RNF111: variants seen among roughly 807,000 people sequenced by gnomAD.
RNF111 encodes E3 ubiquitin-protein ligase Arkadia.
RNF111 carries 17 observed loss-of-function variants against 95.1 expected under a neutral mutation model. The observed-to-expected ratio is 0.18, with a 90% CI of 0.12 to 0.27. The LOEUF (loss-of-function observed/expected upper bound fraction) is 0.27. Among genes scored for constraint, RNF111 ranks in the 10% least tolerant of loss-of-function variants. RNF111 has a pLI of 1.00. For synonymous variants in RNF111, 440 were observed against 414.8 expected (o/e 1.06, Z -0.74); for missense variants, 1,189 against 1,210.4 (o/e 0.98, Z 0.26).
chr15:59,049,254 C>T (rs1329841957), intron 2 of RNF111: 2 of 152,146 alleles, frequency 1.3e-5, no homozygotes, highest in East Asian at 1.9e-4. Context: ...ACTTTAGATA[C>T]TTCACATAAC....
In RNF111 at chr15:59,031,232, G is replaced by C. The variant is rs2040888918; in HGVS notation, c.410G>C (p.Cys137Ser). Residue 137 changes from cysteine to serine, a missense_variant, in exon 2 of 14, where the codon TGT becomes TCT. Transcript: ENST00000348370. Reference sequence around the variant, plus strand: ...GATAATGATTCCTCTTTTAGTGATTGTCTTTCTTCTCCTTCATCTAGTCTG... The same window carrying C: ...GATAATGATTCCTCTTTTAGTGATTCTCTTTCTTCTCCTTCATCTAGTCTG... The part of the protein sequence containing the change: ...DEDNDSSFSD[C>S]LSSPSSSLHF... The C allele has an allele frequency of 6.2e-7, 1 of 1,614,180 alleles. No individual in the cohort carries two copies. Among genetic ancestry groups the C allele is most frequent in the South Asian group, 1.1e-5 (1 of 91,082 alleles).
intron 2 of RNF111, among the ~76,000 whole-genome samples, chr15:59,034,631 A>T (rs1463996882): frequency 6.6e-6 from 1 of 152,232 alleles, no homozygotes; most frequent in Non-Finnish European, 1.5e-5. Context: ...TAGCTCTATT[A>T]TCAAGAAATC....
intron 8 of RNF111, among the ~76,000 whole-genome samples, chr15:59,083,161 A>G (rs930029032): frequency 6.6e-6 from 1 of 152,122 alleles, no homozygotes; most frequent in Non-Finnish European, 1.5e-5. Context: ...AAAAGAAGCA[A>G]AAAATGAATC....
chr15:59,021,325 A>T (rs1247624734), intron 1 of RNF111, among the ~76,000 whole-genome samples: 3 of 151,896 alleles, frequency 2.0e-5, no homozygotes, highest in South Asian at 2.1e-4. Context: ...TAATTTTTGT[A>T]TTTTTAGTAG....
At chr15:59,059,658 G>C (rs2042350504) in intron 5 of RNF111, among the ~76,000 whole-genome samples, 1 of 151,990 alleles carries the variant, frequency 6.6e-6, no homozygotes. Context: ...TTATTCTGGA[G>C]CTTTCTTTAG....
chr15:59,039,324 A>G (rs2041336391), intron 2 of RNF111, among the ~76,000 whole-genome samples: 1 of 152,200 alleles, frequency 6.6e-6, no homozygotes, highest in African/African-American at 2.4e-5. Context: ...CTATAAAGGA[A>G]GAACACTTTG....
Position 59,031,610 on chromosome 15 carries a change from G to T in RNF111, c.788G>T (p.Ser263Ile), listed in dbSNP as rs1596141418. The T allele has an allele frequency of 5.0e-6, 8 of 1,614,176 alleles. No individual in the cohort carries two copies. The highest frequency in any genetic ancestry group is 6.8e-6 in the Non-Finnish European group (8 of 1,180,008). Residue 263 changes from serine to isoleucine, a missense_variant, in exon 2 of 14, where the codon AGT becomes ATT. Physicochemically the swap from Ser to Ile is moderately radical, Grantham distance 142. Transcript: ENST00000348370. ...AGTTCCAGTGAGAATGACCTCAGCA[G>T]TGAATCCTCTTCTAGCTCATCAACT... is the stretch of plus-strand genomic sequence containing the variant. Reference protein sequence around the residue: ...SSSSSENDLSSESSSSSSTEG... With the variant: ...SSSSSENDLSIESSSSSSTEG...
At chr15:59,067,423 G>T (rs950233613) in intron 6 of RNF111, among the ~76,000 whole-genome samples, 1 of 151,426 alleles carries the variant, frequency 6.6e-6, no homozygotes, top group African/African-American at 2.4e-5. Flanking sequence ...AACTACTTGC[G>T]TTAAAACCAA....
intron 6 of RNF111, among the ~76,000 whole-genome samples, chr15:59,071,970 T>C (rs1886498242): frequency 6.6e-6 from 1 of 152,206 alleles, no homozygotes. Context: ...CACAGTGACA[T>C]TATGTTTGAA....
chr15:59,059,626 C>G (rs2042349605), intron 5 of RNF111, among the ~76,000 whole-genome samples: 2 of 152,120 alleles, frequency 1.3e-5, no homozygotes, highest in South Asian at 2.1e-4. Flanking sequence ...GAAACCGTTG[C>G]CTAATCCAGG....
chr15:59,057,473 A>G (rs892795270), intron 4 of RNF111, among the ~76,000 whole-genome samples: 14 of 152,204 alleles, frequency 9.2e-5, no homozygotes, highest in Non-Finnish European at 1.5e-5. Context: ...TCCATAGCAC[A>G]TTAAGAGACC....
intron 10 of RNF111, among the ~76,000 whole-genome samples, chr15:59,089,128 G>T (rs1377109477): frequency 5.3e-5 from 8 of 152,152 alleles, no homozygotes; most frequent in African/African-American, 1.9e-4. Flanking sequence ...GAAAGCACAA[G>T]TGTTGATTAT....
chr15:59,083,220 G>A (rs574930201), intron 8 of RNF111, among the ~76,000 whole-genome samples: 1 of 152,212 alleles, frequency 6.6e-6, no homozygotes, highest in African/African-American at 2.4e-5. Flanking sequence ...ACTTTAGGAA[G>A]AGAAAATACA....
intron 3 of RNF111, among the ~76,000 whole-genome samples, chr15:59,054,159 G>A (rs1377295197): frequency 6.6e-6 from 1 of 152,104 alleles, no homozygotes; most frequent in East Asian, 1.9e-4. Context: ...GGCTGGTCTC[G>A]AACTCCTGAC....
chr15:59,010,223 A>G (rs1440302249), intron 1 of RNF111, among the ~76,000 whole-genome samples: 1 of 152,070 alleles, frequency 6.6e-6, no homozygotes, highest in Non-Finnish European at 1.5e-5. Flanking sequence ...TTTTTGTTTT[A>G]ATTTAAGAAA....
chr15:59,046,902 C>G (rs941453189), intron 2 of RNF111, among the ~76,000 whole-genome samples: 11 of 152,138 alleles, frequency 7.2e-5, no homozygotes, highest in African/African-American at 2.7e-4. Context: ...GGGTCTCACT[C>G]TGTTGTCCAG....
intron 6 of RNF111, among the ~76,000 whole-genome samples, chr15:59,070,597 C>T (rs2042876792): frequency 2.0e-5 from 3 of 152,162 alleles, no homozygotes; most frequent in Non-Finnish European, 4.4e-5. Flanking sequence ...AATAGAAGAA[C>T]AGACATATAC....
chr15:59,082,372 G>A (rs1239355994), intron 8 of RNF111, among the ~76,000 whole-genome samples: 1 of 152,024 alleles, frequency 6.6e-6, no homozygotes, highest in Non-Finnish European at 1.5e-5. Context: ...ATGATTCTGA[G>A]GAATAAGATC....
At position 59,031,160 on chromosome 15, in the gene RNF111, A is replaced by G. The variant is rs747518713; in HGVS notation, c.338A>G (p.Gln113Arg). The change falls in exon 2 of 14, where the codon CAG (glutamine) becomes CGG (arginine). Residue 113 changes from glutamine to arginine, a missense_variant. Transcript: ENST00000348370. ...GTGCAGAATTGTGTTAAAGAAAACC[A>G]GGGAATATTAGGACTGAGGCAACAC... ...SYVQNCVKEN[Q>R]GILGLRQHLG... is the part of the protein sequence containing the mutation. 2.1e-5 allele frequency: 34 copies of G among 1,614,068 alleles called. No homozygotes were observed. The East Asian group carries it at 6.5e-4, about 31-fold the overall frequency.
Sources: allele counts gnomAD v4.1 joint callset (sites outside exome capture counted in the v4.1 genomes callset), GRCh38; gene constraint gnomAD v4.1.1; transcripts MANE v1.5; gene names NCBI Gene and HGNC (gene_info 2026-07-23, HGNC 2026-07-21).